The following N4BP2L2 variants were observed in gnomAD, a reference collection of about 807,000 sequenced individuals.
The protein encoded by N4BP2L2 is NEDD4-binding protein 2-like 2.
In N4BP2L2, 50 loss-of-function variants were observed where a neutral mutation model predicts 56.2. The observed-to-expected ratio is 0.89, with a 90% confidence interval of 0.71 to 1.13. The LOEUF (loss-of-function observed/expected upper bound fraction) is 1.13, where lower values mean the gene tolerates loss of function less well. Among genes scored for constraint, N4BP2L2 ranks in the 50% most tolerant of loss-of-function variants. The pLI, the probability that N4BP2L2 is intolerant of heterozygous loss-of-function variation, is 0.00. For synonymous variants in N4BP2L2, 203 were observed against 223.6 expected (o/e 0.91, Z 0.82); for missense variants, 689 against 693.8 (o/e 0.99, Z 0.08).
intron 6 of N4BP2L2, among the ~76,000 whole-genome samples, chr13:32,491,641 T>A (rs936739534): frequency 0.019 from 2,793 of 146,360 alleles, 49 homozygotes; most frequent in African/African-American, 0.038. Flanking sequence ...ATATATTTTT[T>A]TTTTTTTTGA....
chr13:32,473,492 G>C (rs1184658807), intron 6 of N4BP2L2, among the ~76,000 whole-genome samples: 1 of 152,146 alleles, frequency 6.6e-6, no homozygotes, highest in Non-Finnish European at 1.5e-5. Flanking sequence ...GCTGTAATAA[G>C]TGACTGTGTA....
intron 2 of N4BP2L2, among the ~76,000 whole-genome samples, chr13:32,534,216 ATATC>A (rs1007363078): frequency 3.1e-4 from 47 of 152,156 alleles, no homozygotes; most frequent in Non-Finnish European, 5.4e-4. Flanking sequence ...TCATTCTTAT[ATATC>A]TATTTTTCAA....
intron 9 of N4BP2L2, among the ~76,000 whole-genome samples, chr13:32,436,062 A>G (rs1566005414): frequency 6.6e-6 from 1 of 152,208 alleles, no homozygotes. Flanking sequence ...CAAGGGGGGA[A>G]ATGTCTCATA....
chr13:32,534,094 T>C lies in N4BP2L2; in HGVS notation c.1259+1675A>G, dbSNP rs150785481. ...AACCTCAACTTCCTTTAGCCTCTGCTCCTTCTATAAAATGAAAAAACAACC... is the reference window on the plus strand; with the variant it reads ...AACCTCAACTTCCTTTAGCCTCTGCCCCTTCTATAAAATGAAAAAACAACC... On this transcript the variant is annotated intron_variant, in intron 2 of 5. Transcript: ENST00000267068. 4.2e-3 allele frequency among the ~76,000 whole-genome samples: 637 copies of C among 152,304 alleles called. 6 individuals carry two copies. The highest frequency in any genetic ancestry group is 0.014 in the African/African-American group (593 of 41,566).
At chr13:32,531,329 T>C (rs988446794) in intron 2 of N4BP2L2, among the ~76,000 whole-genome samples, 1 of 152,228 alleles carries the variant, frequency 6.6e-6, no homozygotes, top group Non-Finnish European at 1.5e-5. Context: ...TCTATACTTA[T>C]AATTTCTCAC....
At chr13:32,455,077 C>T (rs1227068376) in intron 6 of N4BP2L2, among the ~76,000 whole-genome samples, 5 of 152,172 alleles carry the variant, frequency 3.3e-5, no homozygotes, top group African/African-American at 9.7e-5. Flanking sequence ...ACACCAGGTC[C>T]CACTGTCCTA....
intron 6 of N4BP2L2, among the ~76,000 whole-genome samples, chr13:32,482,993 T>C (rs2085102122): frequency 6.6e-6 from 1 of 152,232 alleles, no homozygotes; most frequent in Non-Finnish European, 1.5e-5. Flanking sequence ...CTAAATTCAA[T>C]TACTTTTCAA....
exon 6 of N4BP2L2, chr13:32,517,019 T>A: frequency 1.0e-6 from 1 of 970,838 alleles, no homozygotes; most frequent in Non-Finnish European, 1.2e-6. Flanking sequence ...AATCCTCTTA[T>A]GACCATGTTA....
chr13:32,459,236 A>G (rs1236919153), intron 6 of N4BP2L2, among the ~76,000 whole-genome samples: 1 of 152,078 alleles, frequency 6.6e-6, no homozygotes, highest in Non-Finnish European at 1.5e-5. Context: ...GGAACTAGAA[A>G]AGCAAAAACA....
chr13:32,522,011 T>C (rs779716019), intron 4 of N4BP2L2, 171 bp downstream of exon 4: 13 of 565,666 alleles, frequency 2.3e-5, no homozygotes, highest in Non-Finnish European at 3.6e-5. Flanking sequence ...ATGAACATGT[T>C]CCTTAAAAAA....
At chr13:32,531,301 C>A (rs2054717776) in intron 2 of N4BP2L2, among the ~76,000 whole-genome samples, 1 of 152,118 alleles carries the variant, frequency 6.6e-6, no homozygotes, top group South Asian at 2.1e-4. Context: ...GTTATACAGC[C>A]TTGAGTAATC....
At chr13:32,504,086 C>A (rs1229028606) in intron 6 of N4BP2L2, among the ~76,000 whole-genome samples, 1 of 152,052 alleles carries the variant, frequency 6.6e-6, no homozygotes, top group Non-Finnish European at 1.5e-5. Context: ...AAAAATTTTT[C>A]GAAACAACAT....
chr13:32,518,361 C>G (rs1335630073), intron 5 of N4BP2L2, among the ~76,000 whole-genome samples: 2 of 152,070 alleles, frequency 1.3e-5, no homozygotes, highest in African/African-American at 2.4e-5. Context: ...CTAGGACTTG[C>G]AAAAATTGAA....
intron 6 of N4BP2L2, among the ~76,000 whole-genome samples, chr13:32,497,651 A>C (rs906622765): frequency 2.0e-5 from 3 of 152,184 alleles, no homozygotes; most frequent in African/African-American, 7.2e-5. Flanking sequence ...TGCTGGAGGA[A>C]AAATGGAGGA....
chr13:32,534,115 C>A (rs2055845684), intron 2 of N4BP2L2, among the ~76,000 whole-genome samples: 2 of 152,156 alleles, frequency 1.3e-5, no homozygotes, highest in African/African-American at 4.8e-5. Flanking sequence ...AATGAAAAAA[C>A]AACCCATTGC....
intron 5 of N4BP2L2, among the ~76,000 whole-genome samples, chr13:32,519,077 T>C (rs545251330): frequency 2.1e-4 from 32 of 152,176 alleles, no homozygotes; most frequent in African/African-American, 7.2e-4. Context: ...GATGTTTACA[T>C]TCAAGATAAG....
chr13:32,523,957 T>C (rs1032776137), intron 3 of N4BP2L2: 2 of 152,070 alleles, frequency 1.3e-5, no homozygotes, highest in Non-Finnish European at 1.5e-5. Flanking sequence ...CATTACACTA[T>C]GGGGAAAAGA....
chr13:32,499,824 C>T (rs1477209288), intron 6 of N4BP2L2, among the ~76,000 whole-genome samples: 1 of 152,150 alleles, frequency 6.6e-6, no homozygotes, highest in Non-Finnish European at 1.5e-5. Context: ...CAATTCTGTA[C>T]CTTTAAATCA....
intron 6 of N4BP2L2, among the ~76,000 whole-genome samples, chr13:32,463,356 T>C (rs2138746729): frequency 6.6e-6 from 1 of 150,968 alleles, no homozygotes; most frequent in South Asian, 2.1e-4. Context: ...ATAATGGGAG[T>C]CTTAGAAGAT....
Sources: gnomAD v4.1 joint callset for allele counts (sites outside exome capture counted in the v4.1 genomes callset) on GRCh38, gnomAD v4.1.1 for gene constraint, MANE v1.5 for transcripts, NCBI Gene and HGNC (gene_info 2026-07-23, HGNC 2026-07-21) for gene names.